SOX5: variants seen among roughly 807,000 people sequenced by gnomAD.
SOX5 encodes the protein SRY-box transcription factor 5, also known as transcription factor SOX-5.
SOX5 carries 9 observed loss-of-function variants against 92.0 expected under a neutral mutation model. The observed-to-expected ratio is 0.10, with a 90% CI of 0.06 to 0.17. The LOEUF is 0.17. Among genes scored for constraint, SOX5 ranks in the 10% least tolerant of loss-of-function variants. The pLI is 1.00. For missense variants in SOX5, 642 were observed against 944.5 expected (o/e 0.68, Z 4.20); for synonymous variants, 344 against 336.3 (o/e 1.02, Z -0.25).
chr12:23,919,479 T>C (rs553631190), intron 1 of SOX5, among the ~76,000 whole-genome samples: 2 of 152,370 alleles, frequency 1.3e-5, no homozygotes, highest in South Asian at 2.1e-4. Flanking sequence ...TTCTTTCATC[T>C]AAATGTGGTA....
At position 24,089,836 on chromosome 12, in the gene SOX5, T is replaced by C. The variant is rs981360316; in HGVS notation, c.-2+123507A>G. 3.3e-5 allele frequency among the ~76,000 whole-genome samples: 5 copies of C among 152,308 alleles called. No homozygotes were observed. In the East Asian group the frequency reaches 5.8e-4, roughly 18 times the overall value. ...ACTCTCAGCTATTATATTCCCTTCT[T>C]CATTTCTGGATGGTTCGTTAGCCCT... On this transcript the variant is annotated intron_variant, in intron 4 of 4. Transcript: ENST00000446891.
intron 1 of SOX5, among the ~76,000 whole-genome samples, chr12:24,485,943 C>CTGTTGT (rs376040670): frequency 2.0e-5 from 3 of 151,886 alleles, no homozygotes; most frequent in Non-Finnish European, 4.4e-5. Flanking sequence ...ATATACCTTT[C>CTGTTGT]TGTTGTTGTT....
At chr12:24,312,506 T>C (rs1342965281) in intron 2 of SOX5, among the ~76,000 whole-genome samples, 3 of 152,178 alleles carry the variant, frequency 2.0e-5, no homozygotes, top group Non-Finnish European at 2.9e-5. Flanking sequence ...GTATCACCAA[T>C]CAAGTGTAAA....
At chr12:23,663,624 GA>G (rs912708043) in intron 7 of SOX5, among the ~76,000 whole-genome samples, 1 of 151,660 alleles carries the variant, frequency 6.6e-6, no homozygotes, top group Non-Finnish European at 1.5e-5. Context: ...AATGATTTTA[GA>G]AAGTGTCTTT....
intron 1 of SOX5, among the ~76,000 whole-genome samples, chr12:24,561,859 T>C (rs1954388256): frequency 6.6e-6 from 1 of 152,164 alleles, no homozygotes; most frequent in Admixed American, 6.5e-5. Context: ...TAAGGGGCTT[T>C]GTCCAACTTT....
At chr12:23,998,559 C>T (rs1197195582) in intron 4 of SOX5, among the ~76,000 whole-genome samples, 2 of 151,972 alleles carry the variant, frequency 1.3e-5, no homozygotes, top group Non-Finnish European at 2.9e-5. Flanking sequence ...AATCCCAGCA[C>T]TTTGGGAGGC....
intron 9 of SOX5, among the ~76,000 whole-genome samples, chr12:23,578,214 T>G (rs901471079): frequency 1.4e-5 from 2 of 144,716 alleles, no homozygotes; most frequent in Non-Finnish European, 3.0e-5. Context: ...CCATAATCTA[T>G]ATATATGATG....
At position 24,367,651 on chromosome 12, in the gene SOX5, C is replaced by G. The variant is rs560420816; in HGVS notation, c.-174+912G>C. On this transcript the variant is annotated intron_variant, in intron 2 of 4. Transcript: ENST00000446891. ...ATTAAATGTTTTTAAAAATTAAAATCATATTGCCAAGAAAAGAGACATGTT... is the reference window on the plus strand; with the variant it reads ...ATTAAATGTTTTTAAAAATTAAAATGATATTGCCAAGAAAAGAGACATGTT... Among the ~76,000 whole-genome samples, 3 of 152,196 alleles carry G rather than the reference C, an allele frequency of 2.0e-5. No individual in the cohort carries two copies. The East Asian group carries it at 5.8e-4, about 29-fold the overall frequency.
intron 4 of SOX5, among the ~76,000 whole-genome samples, chr12:24,088,141 A>T (rs182338337): frequency 1.4e-5 from 2 of 138,110 alleles, no homozygotes; most frequent in Admixed American, 7.0e-5. Context: ...TCTCATCTTT[A>T]AAAAAAAATC....
intron 4 of SOX5, among the ~76,000 whole-genome samples, chr12:24,042,305 T>C (rs1956600617): frequency 6.6e-6 from 1 of 152,126 alleles, no homozygotes; most frequent in Admixed American, 6.5e-5. Context: ...CTTTATAGTA[T>C]TATATAAACA....
At chr12:24,078,284 G>T (rs1942898620) in intron 4 of SOX5, among the ~76,000 whole-genome samples, 1 of 152,002 alleles carries the variant, frequency 6.6e-6, no homozygotes, top group African/African-American at 2.4e-5. Context: ...TTTGTGAAGT[G>T]GGCGTGATAA....
chr12:24,504,539 C>A (rs1948534806), intron 1 of SOX5, among the ~76,000 whole-genome samples: 1 of 152,152 alleles, frequency 6.6e-6, no homozygotes, highest in Admixed American at 6.5e-5. Flanking sequence ...GCCACCATTT[C>A]TTTCATGACA....
chr12:24,309,012 A>G (rs999013136), intron 2 of SOX5, among the ~76,000 whole-genome samples: 3 of 152,268 alleles, frequency 2.0e-5, no homozygotes, highest in African/African-American at 7.2e-5. Context: ...GTGAAAAGCA[A>G]TGCTGTTAAT....
At chr12:24,008,142 A>G (rs1952521436) in intron 4 of SOX5, among the ~76,000 whole-genome samples, 1 of 152,108 alleles carries the variant, frequency 6.6e-6, no homozygotes, top group Admixed American at 6.6e-5. Context: ...GGACAGTTTG[A>G]TCCAAAACAT....
At chr12:24,308,661 C>T (rs1199826532) in intron 2 of SOX5, among the ~76,000 whole-genome samples, 1 of 152,324 alleles carries the variant, frequency 6.6e-6, no homozygotes, top group South Asian at 2.1e-4. Context: ...CACTCAGAAG[C>T]GCTCAACAAA....
At position 23,529,652 on chromosome 12, in the gene SOX5, ACTC is replaced by A. The variant is rs1938553558; in HGVS notation, c.*4564_*4566del. On this transcript the variant is annotated 3_prime_UTR_variant, in exon 15 of 15. Coordinates refer to ENST00000451604, the MANE Select transcript of SOX5 (RefSeq NM_006940.6). ...ACATCTTTTTTTTAAGAGCACATAA[ACTC>A]CTGTTTTATTTTTATTGTGGCATGA... The A allele has an allele frequency of 6.6e-6, 1 of 152,074 alleles. No individual in the cohort carries two copies. Among genetic ancestry groups the A allele is most frequent in the Non-Finnish European group, 1.5e-5 (1 of 67,994 alleles). The allele number at this position is 152,074 out of a possible 1,614,324, so 9.4% of individuals were successfully genotyped here.
intron 2 of SOX5, among the ~76,000 whole-genome samples, chr12:24,354,209 T>G (rs1409240131): frequency 3.9e-5 from 6 of 152,244 alleles, no homozygotes; most frequent in Admixed American, 6.5e-5. Context: ...CAGGGGAATG[T>G]CAATTCACCT....
chr12:23,726,667 G>A (rs747156629), intron 6 of SOX5, among the ~76,000 whole-genome samples: 1 of 152,124 alleles, frequency 6.6e-6, no homozygotes, highest in Non-Finnish European at 1.5e-5. Context: ...GGACTACAGA[G>A]CCTCAGTGAG....
intron 11 of SOX5, among the ~76,000 whole-genome samples, chr12:23,552,105 T>G (rs1190505620): frequency 2.0e-5 from 3 of 151,966 alleles, no homozygotes; most frequent in Non-Finnish European, 4.4e-5. Context: ...TCCTTATTAA[T>G]GATTTTCAAA....
Sources: allele counts gnomAD v4.1 joint callset (sites outside exome capture counted in the v4.1 genomes callset), GRCh38; gene constraint gnomAD v4.1.1; transcripts MANE v1.5; gene names NCBI Gene and HGNC (gene_info 2026-07-23, HGNC 2026-07-21).